SOAT1: variants seen among roughly 807,000 people sequenced by gnomAD.
SOAT1 encodes the protein sterol O-acyltransferase 1.
A neutral mutation model predicts 69.5 loss-of-function variants in SOAT1; 55 were observed. The ratio of observed to expected loss-of-function variants is 0.79; its 90% confidence interval spans 0.64 to 0.99. The LOEUF is 0.99. Among genes scored for constraint, SOAT1 ranks in the 50% least tolerant of loss-of-function variants. The pLI is 0.00. For missense variants in SOAT1, 580 were observed against 669.3 expected (o/e 0.87, Z 1.47); for synonymous variants, 231 against 224.7 (o/e 1.03, Z -0.25).
intron 2 of SOAT1, among the ~76,000 whole-genome samples, chr1:179,303,185 G>C (rs75395072): frequency 6.6e-6 from 1 of 152,276 alleles, no homozygotes; most frequent in East Asian, 1.9e-4. Flanking sequence ...TAATATTCTT[G>C]TAATTAACTA....
chr1:179,350,145 T>TAA (rs1666673577), intron 13 of SOAT1, 151 bp from the exon 14 acceptor site: 12 of 585,182 alleles, frequency 2.1e-5, no homozygotes, highest in Non-Finnish European at 2.9e-5. Context: ...TTGTAGTTAT[T>TAA]TTAATAGACT....
chr1:179,306,667 C>A (rs1400838527), intron 2 of SOAT1, among the ~76,000 whole-genome samples: 1 of 151,876 alleles, frequency 6.6e-6, no homozygotes, highest in South Asian at 2.1e-4. Flanking sequence ...CCCGTCTCTA[C>A]TAAAAATACA....
intron 12 of SOAT1, among the ~76,000 whole-genome samples, chr1:179,348,443 C>T (rs1483438096): frequency 6.6e-6 from 1 of 152,112 alleles, no homozygotes; most frequent in Non-Finnish European, 1.5e-5. Context: ...CCAAACAGCT[C>T]TCTAGTGTTA....
At chr1:179,328,779 C>T (rs1055296328) in intron 3 of SOAT1, among the ~76,000 whole-genome samples, 1 of 152,152 alleles carries the variant, frequency 6.6e-6, no homozygotes, top group Admixed American at 6.5e-5. Context: ...CGCATTGGCT[C>T]ATACCTGTAA....
Position 179,313,662 on chromosome 1 carries a change from G to A in SOAT1, c.119-9775G>A, listed in dbSNP as rs562663550. Among the ~76,000 whole-genome samples the A allele has an allele frequency of 3.3e-5, 5 of 151,974 alleles. No individual in the cohort carries two copies. The Middle Eastern group carries it at 0.01, about 310-fold the overall frequency. Reference sequence around the variant, plus strand: ...TGCAATGGTGCTATCTCTGCTCACCGCAACCTCCGCCTCCCAGGTCCAAGC... The same window carrying A: ...TGCAATGGTGCTATCTCTGCTCACCACAACCTCCGCCTCCCAGGTCCAAGC... On this transcript the variant is annotated intron_variant, in intron 2 of 15. Transcript: ENST00000367619.
At chr1:179,353,209 A>ATATATATATAAATATAAATATT (rs1553248877) in intron 15 of SOAT1, among the ~76,000 whole-genome samples, 1 of 55,508 alleles carries the variant, frequency 1.8e-5, no homozygotes, top group African/African-American at 7.2e-5. Flanking sequence ...TTATATATAA[A>ATATATATATAAATATAAATATT]TATATATATA....
At chr1:179,294,592 C>T (rs1664565167) in intron 1 of SOAT1, among the ~76,000 whole-genome samples, 1 of 152,160 alleles carries the variant, frequency 6.6e-6, no homozygotes, top group African/African-American at 2.4e-5. Context: ...AGTGCAGTGG[C>T]GCAATCTCGG....
chr1:179,349,585 C>G (rs1666654819), intron 13 of SOAT1, among the ~76,000 whole-genome samples: 1 of 152,140 alleles, frequency 6.6e-6, no homozygotes, highest in Admixed American at 6.5e-5. Context: ...CCTCAGCCTC[C>G]CAAAGTGCTG....
chr1:179,328,566 G>A (rs533353023), intron 3 of SOAT1, among the ~76,000 whole-genome samples: 39 of 152,278 alleles, frequency 2.6e-4, no homozygotes, highest in African/African-American at 8.7e-4. Flanking sequence ...TTACATGCCT[G>A]TCCTTGGCTC....
chr1:179,309,156 T>A (rs1246887053), intron 2 of SOAT1, among the ~76,000 whole-genome samples: 2 of 152,216 alleles, frequency 1.3e-5, no homozygotes, highest in Non-Finnish European at 2.9e-5. Flanking sequence ...CGATCTTGGC[T>A]CACTACAACC....
intron 1 of SOAT1, among the ~76,000 whole-genome samples, chr1:179,300,297 G>C (rs1011048845): frequency 2.6e-5 from 4 of 151,872 alleles, no homozygotes; most frequent in African/African-American, 9.7e-5. Context: ...TCAAAGTTTA[G>C]TTTTCAGTTC....
intron 1 of SOAT1, among the ~76,000 whole-genome samples, chr1:179,296,311 C>T (rs1196011137): frequency 2.6e-5 from 4 of 152,092 alleles, no homozygotes; most frequent in Non-Finnish European, 4.4e-5. Context: ...GAAAAAACAA[C>T]GTGTATTGGG....
At chr1:179,349,308 A>T (rs1351525130) in intron 13 of SOAT1, among the ~76,000 whole-genome samples, 1 of 147,188 alleles carries the variant, frequency 6.8e-6, no homozygotes, top group Non-Finnish European at 1.5e-5. Context: ...TTCGTTTTTC[A>T]TGGTTAAAGG....
rs946792350 is a variant in SOAT1 at position 179,354,131 on chromosome 1, G to C, written c.*490G>C. The C allele has an allele frequency of 6.5e-6, 1 of 152,698 alleles. No homozygotes were observed. The highest frequency in any genetic ancestry group is 2.4e-5 in the African/African-American group (1 of 41,424). 9.5% of individuals were successfully genotyped at this position (152,698 alleles called of 1,614,324 possible). ...GAAGAAAAAATGTAGAATGATTTTT[G>C]CTATTTCTAGTAGAAAGAAAATGTC... On this transcript the variant is annotated 3_prime_UTR_variant, in exon 16 of 16. Coordinates refer to ENST00000367619, the MANE Select transcript of SOAT1 (RefSeq NM_003101.6).
At chr1:179,325,265 T>A (rs1665746684) in intron 3 of SOAT1, among the ~76,000 whole-genome samples, 1 of 150,166 alleles carries the variant, frequency 6.7e-6, no homozygotes, top group African/African-American at 2.4e-5. Context: ...TTCTCCTGCA[T>A]CAGCCTCCCG....
intron 3 of SOAT1, among the ~76,000 whole-genome samples, chr1:179,330,717 G>C (rs938426279): frequency 6.6e-6 from 1 of 152,248 alleles, no homozygotes; most frequent in Admixed American, 6.5e-5. Context: ...CACTGTCGTA[G>C]TCTTTGCAAA....
intron 11 of SOAT1, among the ~76,000 whole-genome samples, chr1:179,345,739 G>C (rs1442509717): frequency 6.6e-6 from 1 of 151,768 alleles, no homozygotes; most frequent in Non-Finnish European, 1.5e-5. Flanking sequence ...TTGGAGAGAC[G>C]GGGTCTCCCT....
Position 179,295,966 on chromosome 1 carries a change from ATTTTTTTTTTTTTTTTTTTTTTTT to A in SOAT1, c.-9+2042_-9+2065del, listed in dbSNP as rs58893158. On this transcript the variant is annotated intron_variant, in intron 1 of 15. Transcript: ENST00000367619. ...GGGCATGTGCTACCACGCCCGGCTA[ATTTTTTTTTTTTTTTTTTTTTTTT>A]TTTTTTTTTTTAGTAAAGACTGATC... Among the ~76,000 whole-genome samples the A allele has an allele frequency of 4.0e-4, 21 of 51,982 alleles. 1 individual carries two copies. Among genetic ancestry groups the A allele is most frequent in the Non-Finnish European group, 1.3e-4 (4 of 30,398 alleles). The allele number at this position is 51,982 out of a possible 152,430, so 34.1% of individuals were successfully genotyped here.
intron 2 of SOAT1, among the ~76,000 whole-genome samples, chr1:179,312,322 G>A (rs1026982419): frequency 6.6e-6 from 1 of 152,180 alleles, no homozygotes; most frequent in Non-Finnish European, 1.5e-5. Context: ...CCAGGAAATT[G>A]GTGGTGGTGA....
Sources: gnomAD v4.1 joint callset for allele counts (sites outside exome capture counted in the v4.1 genomes callset) on GRCh38, gnomAD v4.1.1 for gene constraint, MANE v1.5 for transcripts, NCBI Gene and HGNC (gene_info 2026-07-23, HGNC 2026-07-21) for gene names.